The following GPALPP1 variants were observed in gnomAD, a reference collection of about 807,000 sequenced individuals.
GPALPP1 encodes GPALPP motifs-containing protein 1.
In GPALPP1, 30 loss-of-function variants were observed where a neutral mutation model predicts 38.9. The observed-to-expected ratio is 0.77, with a 90% CI of 0.58 to 1.05. GPALPP1 has a LOEUF of 1.05. Ranked by LOEUF, GPALPP1 falls within the 50% of genes least tolerant of loss-of-function variation. The probability of loss-of-function intolerance (pLI) is 0.00; values close to 1 mark genes in which losing one functional copy is unlikely to be tolerated. For missense variants in GPALPP1, 384 were observed against 408.8 expected, an observed-to-expected ratio of 0.94 and a Z score of 0.52; for synonymous variants, 120 against 139.2, an observed-to-expected ratio of 0.86 and a Z score of 0.97.
chr13:44,996,323 C>G (rs779331261), intron 1 of GPALPP1, among the ~76,000 whole-genome samples: 14 of 151,580 alleles, frequency 9.2e-5, no homozygotes, highest in Non-Finnish European at 2.1e-4. Context: ...CCACCGCACT[C>G]CAGCCTGAGT....
chr13:44,994,427 C>T (rs1199529530), intron 1 of GPALPP1, among the ~76,000 whole-genome samples: 1 of 151,094 alleles, frequency 6.6e-6, no homozygotes, highest in Non-Finnish European at 1.5e-5. Context: ...TAAAAAAATA[C>T]AAAAATTACC....
intron 1 of GPALPP1, among the ~76,000 whole-genome samples, chr13:44,997,091 CTT>C (rs74521338): frequency 1.8e-4 from 26 of 141,694 alleles, no homozygotes; most frequent in South Asian, 2.2e-4. Flanking sequence ...CAGTATTTGT[CTT>C]TTTTTTTTTT....
chr13:45,007,092 T>G (rs1011860729), intron 3 of GPALPP1, among the ~76,000 whole-genome samples: 6 of 152,006 alleles, frequency 3.9e-5, no homozygotes, highest in Non-Finnish European at 8.8e-5. Flanking sequence ...GGATAGGCAA[T>G]CTACAGTCCC....
At chr13:44,999,302 T>C (rs1873502219) in intron 1 of GPALPP1, among the ~76,000 whole-genome samples, 1 of 152,148 alleles carries the variant, frequency 6.6e-6, no homozygotes, top group South Asian at 2.1e-4. Context: ...CTGTGTGATA[T>C]GAAAGGGAAA....
At chr13:44,993,694 AAAATTTGAG>A (rs1257622092) in intron 1 of GPALPP1, among the ~76,000 whole-genome samples, 3 of 151,992 alleles carry the variant, frequency 2.0e-5, no homozygotes, top group Admixed American at 1.3e-4. Flanking sequence ...AAAAAAAAAA[AAAATTTGAG>A]GAACTAGCAT....
At chr13:45,006,104 T>C (rs1204620436) in intron 2 of GPALPP1, 98 bp from the exon 3 acceptor site, 9 of 659,958 alleles carry the variant, frequency 1.4e-5, no homozygotes, top group Non-Finnish European at 2.1e-5. Context: ...GCAGTGTTTA[T>C]ACAACTAGAT....
Position 45,008,864 on chromosome 13 carries a change from T to C in GPALPP1, c.393T>C (p.Asp131=), listed in dbSNP as rs149299333. The change falls in exon 4 of 8, where the codon GAT becomes GAC. Residue 131 remains aspartate (D), a synonymous_variant. Transcript: ENST00000379151. ...KSTQKSDKGR[D]DPGQQETDSS... is the part of the protein sequence containing the mutation. ...CACAGAAAAGTGACAAGGGCAGAGA[T>C]GATCCAGGACAACAGGTATCATCAT... The C allele has an allele frequency of 6.3e-7, 1 of 1,585,854 alleles. No individual in the cohort carries two copies. Among genetic ancestry groups the C allele is most frequent in the African/African-American group, 1.3e-5 (1 of 74,492 alleles).
In GPALPP1 at chr13:45,005,968, G is replaced by C. The variant is rs529362139; in HGVS notation, c.222-234G>C. ...TTGAACCTAGGAGTGGGAGGTTCCA[G>C]TGAGCCAACATCACGCCACTGCACT... On this transcript the variant is annotated intron_variant, in intron 2 of 7. Coordinates refer to ENST00000379151, the MANE Select transcript of GPALPP1 (RefSeq NM_018559.5). 4.0e-5 allele frequency among the ~76,000 whole-genome samples: 6 copies of C among 151,794 alleles called. No individual in the cohort carries two copies. In the East Asian group the frequency reaches 9.7e-4, roughly 24 times the overall value.
At chr13:45,023,033 A>G (rs1875538238) in intron 7 of GPALPP1, among the ~76,000 whole-genome samples, 1 of 151,326 alleles carries the variant, frequency 6.6e-6, no homozygotes, top group Non-Finnish European at 1.5e-5. Flanking sequence ...ACACAGAGCA[A>G]GACCTGTCTC....
At chr13:45,004,530 C>A (rs1873936652) in intron 2 of GPALPP1, 93 bp downstream of exon 2, 3 of 762,174 alleles carry the variant, frequency 3.9e-6, no homozygotes, top group Non-Finnish European at 6.6e-6. Flanking sequence ...TATCATATTT[C>A]CATTTATACA....
chr13:45,024,842 C>G (rs1032447426), intron 7 of GPALPP1, among the ~76,000 whole-genome samples: 6 of 152,080 alleles, frequency 3.9e-5, no homozygotes, highest in Admixed American at 3.3e-4. Context: ...GCAGGAATCA[C>G]TTGAACTCAG....
chr13:44,994,630 C>A (rs1038951246), intron 1 of GPALPP1, among the ~76,000 whole-genome samples: 5 of 152,170 alleles, frequency 3.3e-5, no homozygotes, highest in Admixed American at 6.5e-5. Context: ...GTTTTCAGAG[C>A]TCAGTACAAA....
At position 45,008,966 on chromosome 13, in the gene GPALPP1, A is replaced by G; in HGVS notation, c.408+87A>G. The G allele has an allele frequency of 3.9e-6, 3 of 772,136 alleles. No individual in the cohort carries two copies. In the South Asian group the frequency reaches 4.3e-5, roughly 11 times the overall value. 47.8% of individuals were successfully genotyped at this position (772,136 alleles called of 1,614,324 possible). On this transcript the variant is annotated intron_variant, in intron 4 of 7. Coordinates refer to ENST00000379151, the MANE Select transcript of GPALPP1 (RefSeq NM_018559.5). ...TTGTAACAAACTCCAAACTTTATGC[A>G]TGCAGTTACTACAACCACTGGACTC... is the stretch of plus-strand genomic sequence containing the variant.
chr13:45,032,906 G>A (rs961500036), downstream of GPALPP1, among the ~76,000 whole-genome samples: 6 of 151,654 alleles, frequency 4.0e-5, no homozygotes, highest in African/African-American at 1.2e-4. Context: ...GCATGGCGGT[G>A]TGCGCCTGTA....
At chr13:45,020,277 G>C in intron 6 of GPALPP1, 53 bp from the exon 7 acceptor site, 1 of 729,140 alleles carries the variant, frequency 1.4e-6, no homozygotes, top group South Asian at 1.6e-5. Flanking sequence ...TTTATTTTTT[G>C]TTTTATCTTA....
rs777138102 is a variant in GPALPP1 at position 45,015,526 on chromosome 13, G to A, written c.635G>A (p.Arg212Lys). The A allele has an allele frequency of 6.2e-7, 1 of 1,606,606 alleles. No individual in the cohort carries two copies. The highest frequency in any genetic ancestry group is 8.5e-7 in the Non-Finnish European group (1 of 1,176,404). ...FGLGPRTFKR[R>K]ADDTSGDRSI... ...CTTGGGCCAAGGACTTTTAAGAGAA[G>A]AGCTGATGACACATCTGGAGATCGA... is the stretch of plus-strand genomic sequence containing the variant. The change falls in exon 6 of 8, where the codon AGA becomes AAA. Residue 212 changes from arginine (R) to lysine (K), a missense_variant. Physicochemically the swap from Arg to Lys is conservative, Grantham distance 26. Coordinates refer to ENST00000379151, the MANE Select transcript of GPALPP1 (RefSeq NM_018559.5).
intron 7 of GPALPP1, among the ~76,000 whole-genome samples, chr13:45,026,318 C>T (rs1162450276): frequency 6.6e-6 from 1 of 152,168 alleles, no homozygotes; most frequent in Non-Finnish European, 1.5e-5. Context: ...TCTGCTAAAA[C>T]GTTATGGCTC....
chr13:45,026,232 A>G (rs543953137), intron 7 of GPALPP1, among the ~76,000 whole-genome samples: 1 of 152,330 alleles, frequency 6.6e-6, no homozygotes, highest in South Asian at 2.1e-4. Flanking sequence ...TGCTTAACCC[A>G]GTATATTGAG....
chr13:44,993,044 T>C (rs1872948274), intron 1 of GPALPP1, among the ~76,000 whole-genome samples: 1 of 152,238 alleles, frequency 6.6e-6, no homozygotes, highest in South Asian at 2.1e-4. Context: ...AATCATACAG[T>C]ACTTGCCCTT....
Sources: gnomAD v4.1 joint callset for allele counts (sites outside exome capture counted in the v4.1 genomes callset) on GRCh38, gnomAD v4.1.1 for gene constraint, MANE v1.5 for transcripts, NCBI Gene and HGNC (gene_info 2026-07-23, HGNC 2026-07-21) for gene names.